The following UCMA variants were observed in gnomAD, a reference collection of about 807,000 sequenced individuals.
UCMA encodes the protein upper zone of growth plate and cartilage matrix-associated protein.
UCMA carries 21 observed loss-of-function variants against 21.8 expected under a neutral mutation model. The ratio of observed to expected loss-of-function variants is 0.97; its 90% CI spans 0.68 to 1.39. UCMA has a LOEUF of 1.39. UCMA is among the 40% of genes most tolerant of loss of function. The probability of loss-of-function intolerance (pLI) is 0.00; values close to 1 mark genes in which losing one functional copy is unlikely to be tolerated. For synonymous variants in UCMA, 76 were observed against 67.9 expected (o/e 1.12, Z -0.58); for missense variants, 193 against 178.9 (o/e 1.08, Z -0.45).
At chr10:13,229,371 C>T (rs1834867524) in intron 4 of UCMA, among the ~76,000 whole-genome samples, 2 of 151,892 alleles carry the variant, frequency 1.3e-5, no homozygotes, top group Admixed American at 1.3e-4. Flanking sequence ...CAAAAATTAG[C>T]TAGGGGCATC....
rs761719615 is a variant in UCMA at position 13,222,148 on chromosome 10, A to C, written c.372T>G (p.Tyr124Ter). The change falls in exon 5 of 5, where the codon TAT becomes TAG. Residue 124 changes from tyrosine to a stop codon, truncating the protein, a stop_gained. Coordinates refer to ENST00000378681, the MANE Select transcript of UCMA (RefSeq NM_145314.3). LOFTEE classifies it high-confidence loss of function. ...AGAGATAGGATGGGTGCAGGCCGTCATAGTGCCACTGGCGCCACTGCTCCA... is the reference window on the plus strand; with the variant it reads ...AGAGATAGGATGGGTGCAGGCCGTCCTAGTGCCACTGGCGCCACTGCTCCA... ...EAVEQWRQWH[Y>*]DGLHPSYLYN... 2 of 1,614,164 alleles carry C rather than the reference A, an allele frequency of 1.2e-6. No individual in the cohort carries two copies. The highest frequency in any genetic ancestry group is 2.2e-5 in the South Asian group (2 of 91,076).
intron 4 of UCMA, among the ~76,000 whole-genome samples, chr10:13,227,714 CAAAAAAA>C (rs56236207): frequency 1.9e-5 from 1 of 53,552 alleles, no homozygotes; most frequent in East Asian, 5.4e-4. Flanking sequence ...GAGACTGTCT[CAAAAAAA>C]AAAAAAAAAA....
At chr10:13,223,822 T>C (rs1056087963) in intron 4 of UCMA, among the ~76,000 whole-genome samples, 1 of 151,658 alleles carries the variant, frequency 6.6e-6, no homozygotes, top group African/African-American at 2.4e-5. Flanking sequence ...AAAGCACTAG[T>C]ATTACAGGCG....
chr10:13,233,667 T>G, intron 2 of UCMA, 34 bp from the exon 3 acceptor site: 1 of 1,613,666 alleles, frequency 6.2e-7, no homozygotes, highest in Non-Finnish European at 8.5e-7. Flanking sequence ...ACCAGCAGTG[T>G]GGGGGTGCTG....
At chr10:13,233,273 G>A (rs1236487934) in intron 3 of UCMA, among the ~76,000 whole-genome samples, 5 of 152,242 alleles carry the variant, frequency 3.3e-5, no homozygotes, top group African/African-American at 1.2e-4. Flanking sequence ...TGGCCAAGAA[G>A]CAGGACAAGA....
chr10:13,228,258 C>T (rs1423193123), intron 4 of UCMA, among the ~76,000 whole-genome samples: 3 of 152,048 alleles, frequency 2.0e-5, no homozygotes, highest in Non-Finnish European at 2.9e-5. Flanking sequence ...GACAGGGTTT[C>T]GCCACATTCG....
chr10:13,233,548 A>T lies in UCMA; in HGVS notation c.210T>A (p.Asp70Glu). 1.2e-6 allele frequency: 2 copies of T among 1,613,788 alleles called. No homozygotes were observed. Among genetic ancestry groups the T allele is most frequent in the African/African-American group, 2.7e-5 (2 of 74,964 alleles). ...CTCCAGCATCCTTACCATTGACCTC[A>T]TCTCTGGACTTGGGGGACCGCTTGC... Reference protein sequence around the residue: ...RRGKRSPKSRDEVNVENRQKL... With the variant: ...RRGKRSPKSREEVNVENRQKL... Residue 70 changes from aspartate to glutamate, a missense_variant, in exon 3 of 5, where the codon GAT (aspartate) becomes GAA (glutamate). By Grantham distance (45) the Asp-to-Glu change is conservative. Transcript: ENST00000378681.
In UCMA at chr10:13,232,643, T is replaced by C. The variant is rs148887321; in HGVS notation, c.220+895A>G. Among the ~76,000 whole-genome samples the C allele has an allele frequency of 2.5e-3, 377 of 152,292 alleles. 2 individuals are homozygous for C. Among genetic ancestry groups the C allele is most frequent in the African/African-American group, 8.8e-3 (366 of 41,550 alleles). On this transcript the variant is annotated intron_variant, in intron 3 of 4. Transcript: ENST00000378681. ...TCTCCAAGCATTTCTATCTCTGTTC[T>C]TCCCATCATTTGAAAACAGTCCTGT...
Position 13,225,797 on chromosome 10 carries a change from C to T in UCMA, c.320-3597G>A, listed in dbSNP as rs78325014. ...GCTTGGAAGTCAGACGCCTTGAGCA[C>T]CGCCCCAGGGATGGTTTCAGGCAAG... On this transcript the variant is annotated intron_variant, in intron 4 of 4. Transcript: ENST00000378681. Among the ~76,000 whole-genome samples, 604 of 151,992 alleles carry T rather than the reference C, an allele frequency of 4.0e-3. 20 individuals are homozygous for T. The East Asian group carries it at 0.091, about 23-fold the overall frequency.
At position 13,233,721 on chromosome 10, in the gene UCMA, G is replaced by A. The variant is rs1259595676; in HGVS notation, c.124+14C>T. 1 of 1,614,002 alleles carries A rather than the reference G, an allele frequency of 6.2e-7. No individual in the cohort carries two copies. The highest frequency in any genetic ancestry group is 1.1e-5 in the South Asian group (1 of 91,068). ...CTGCACCTGCCCTGCCCCGTGGGTG[G>A]CCCCTGCACTCACCTTCACTCGCCT... On this transcript the variant is annotated intron_variant, in intron 2 of 4. Coordinates refer to ENST00000378681, the MANE Select transcript of UCMA (RefSeq NM_145314.3).
intron 2 of UCMA, 27 bp downstream of exon 2, chr10:13,233,708 T>C (rs980734178): frequency 6.2e-7 from 1 of 1,614,040 alleles, no homozygotes; most frequent in South Asian, 1.1e-5. Flanking sequence ...GCACCTGCCC[T>C]GCCCCGTGGG....
In UCMA at chr10:13,229,669, T is replaced by G; in HGVS notation, c.261A>C (p.Arg87Ser). 1 of 1,614,104 alleles carries G rather than the reference T, an allele frequency of 6.2e-7. No homozygotes were observed. The highest frequency in any genetic ancestry group is 8.5e-7 in the Non-Finnish European group (1 of 1,180,030). Residue 87 changes from arginine to serine, a missense_variant, in exon 4 of 5, where the codon AGA becomes AGC. By Grantham distance (110) the Arg-to-Ser change is moderately radical (BLOSUM62 -1). Transcript: ENST00000378681. ...CATTCCTTTGTTCCTCGTAATATTC[T>G]CTCCGCAGCTCATCAACCCGAAGCT... ...RQKLRVDELRREYYEEQRNEF... is the reference protein window; with the variant it reads ...RQKLRVDELRSEYYEEQRNEF...
intron 3 of UCMA, among the ~76,000 whole-genome samples, chr10:13,232,586 T>G (rs1324540707): frequency 1.3e-5 from 2 of 152,124 alleles, no homozygotes; most frequent in Admixed American, 6.5e-5. Context: ...ACGGTTATAC[T>G]TATTCAATTT....
In UCMA at chr10:13,229,629, C is replaced by G; in HGVS notation, c.301G>C (p.Val101Leu). 1 of 1,614,100 alleles carries G rather than the reference C, an allele frequency of 6.2e-7. No homozygotes were observed. Among genetic ancestry groups the G allele is most frequent in the South Asian group, 1.1e-5 (1 of 91,064 alleles). ...EEQRNEFENF[V>L]EEQNDEQEER... ...CTCTTACCATCGTTTTGTTCCTCCACGAAGTTCTCAAATTCATTCCTTTGT... is the reference window on the plus strand; with the variant it reads ...CTCTTACCATCGTTTTGTTCCTCCAGGAAGTTCTCAAATTCATTCCTTTGT... Residue 101 changes from valine (V) to leucine (L), a missense_variant, in exon 4 of 5, where the codon GTG becomes CTG. Val to Leu is a conservative substitution (Grantham distance 32). Transcript: ENST00000378681.
intron 3 of UCMA, among the ~76,000 whole-genome samples, chr10:13,231,023 G>T (rs990703915): frequency 2.0e-5 from 3 of 151,868 alleles, no homozygotes; most frequent in Admixed American, 6.6e-5. Flanking sequence ...CTCCAGCCTG[G>T]GCAACAGAGC....
At chr10:13,224,835 C>T (rs892306210) in intron 4 of UCMA, among the ~76,000 whole-genome samples, 9 of 152,178 alleles carry the variant, frequency 5.9e-5, no homozygotes, top group Admixed American at 1.3e-4. Context: ...AGAAGTGTTT[C>T]CTTCTTATGT....
chr10:13,223,801 C>T (rs1363549632), intron 4 of UCMA, among the ~76,000 whole-genome samples: 2 of 152,036 alleles, frequency 1.3e-5, no homozygotes, highest in South Asian at 4.1e-4. Flanking sequence ...ATCGAACTGC[C>T]TCGGCCTTCC....
chr10:13,230,700 C>G (rs1372862340), intron 3 of UCMA, among the ~76,000 whole-genome samples: 3 of 152,178 alleles, frequency 2.0e-5, no homozygotes, highest in East Asian at 3.9e-4. Flanking sequence ...TTCCCTACCC[C>G]CAACCCACAT....
chr10:13,233,461 C>G (rs1834925633), intron 3 of UCMA, 77 bp downstream of exon 3: 8 of 1,201,474 alleles, frequency 6.7e-6, no homozygotes, highest in Non-Finnish European at 7.3e-6. Flanking sequence ...GCCCGGCTGA[C>G]TGTGGGAGAG....
Sources: gnomAD v4.1 joint callset for allele counts (sites outside exome capture counted in the v4.1 genomes callset) on GRCh38, gnomAD v4.1.1 for gene constraint, MANE v1.5 for transcripts, NCBI Gene and HGNC (gene_info 2026-07-23, HGNC 2026-07-21) for gene names.